The following XKR6 variants were observed in gnomAD, a reference collection of about 807,000 sequenced individuals.
XKR6 encodes XK-related protein 6.
In XKR6, 22 loss-of-function variants were observed where a neutral mutation model predicts 56.7. The observed-to-expected ratio is 0.39, with a 90% CI of 0.28 to 0.55. The LOEUF is 0.55. XKR6 is among the 20% of genes least tolerant of loss of function. The pLI, the probability that XKR6 is intolerant of heterozygous loss-of-function variation, is 0.66. For missense variants in XKR6, 852 were observed against 889.0 expected (o/e 0.96, Z 0.53); for synonymous variants, 524 against 387.8 (o/e 1.35, Z -4.13).
At chr8:11,178,503 T>A (rs1447240835) in intron 1 of XKR6, among the ~76,000 whole-genome samples, 1 of 144,940 alleles carries the variant, frequency 6.9e-6, no homozygotes, top group Non-Finnish European at 1.5e-5. Flanking sequence ...AAATCACTAA[T>A]AAAACCACAC....
At chr8:11,146,493 G>C (rs773286743) in intron 1 of XKR6, among the ~76,000 whole-genome samples, 3 of 152,130 alleles carry the variant, frequency 2.0e-5, no homozygotes, top group African/African-American at 7.2e-5. Context: ...GATGAGCATG[G>C]TGGCATGTGC....
At chr8:11,070,330 G>A (rs1328086176) in intron 1 of XKR6, among the ~76,000 whole-genome samples, 1 of 152,182 alleles carries the variant, frequency 6.6e-6, no homozygotes, top group Non-Finnish European at 1.5e-5. Flanking sequence ...GTTTGTAGCA[G>A]TACACTTCAC....
At chr8:10,949,131 G>A (rs549536945) in intron 1 of XKR6, among the ~76,000 whole-genome samples, 46 of 152,362 alleles carry the variant, frequency 3.0e-4, no homozygotes, top group African/African-American at 1.1e-3. Context: ...GGCTGGAGGA[G>A]CCTGGGCCCC....
chr8:11,138,080 C>T (rs1170271167), intron 1 of XKR6: 3 of 191,160 alleles, frequency 1.6e-5, no homozygotes, highest in African/African-American at 7.2e-5. Flanking sequence ...AGGGAGAATG[C>T]TTGCCTCTAC....
chr8:11,013,321 A>G (rs1020280902), intron 1 of XKR6, among the ~76,000 whole-genome samples: 2 of 152,100 alleles, frequency 1.3e-5, no homozygotes, highest in Non-Finnish European at 2.9e-5. Context: ...CTTTAAGGAG[A>G]GGAGAGGAGA....
At chr8:11,164,925 A>C (rs1189549839) in intron 1 of XKR6, among the ~76,000 whole-genome samples, 1 of 152,068 alleles carries the variant, frequency 6.6e-6, no homozygotes, top group African/African-American at 2.4e-5. Context: ...CCACCTGCCT[A>C]CCTTCCCACT....
intron 1 of XKR6, among the ~76,000 whole-genome samples, chr8:11,073,400 TGGA>T (rs1800184607): frequency 6.6e-6 from 1 of 152,092 alleles, no homozygotes; most frequent in African/African-American, 2.4e-5. Flanking sequence ...TCACAGTCTT[TGGA>T]GGAGAAGAAG....
intron 1 of XKR6, among the ~76,000 whole-genome samples, chr8:11,127,127 A>C (rs1215697583): frequency 1.3e-5 from 2 of 152,186 alleles, no homozygotes; most frequent in African/African-American, 4.8e-5. Context: ...CATCACTTTC[A>C]TGAATAACCA....
chr8:11,136,908 A>T (rs1800429867), intron 1 of XKR6: 1 of 152,200 alleles, frequency 6.6e-6, no homozygotes, highest in Non-Finnish European at 1.5e-5. Flanking sequence ...TTTCTTTTTC[A>T]ATATTTGCAT....
intron 1 of XKR6, among the ~76,000 whole-genome samples, chr8:11,185,635 G>A (rs1030154491): frequency 6.6e-6 from 1 of 152,170 alleles, no homozygotes; most frequent in East Asian, 1.9e-4. Flanking sequence ...CCAATGATGG[G>A]ACATGATTTT....
intron 1 of XKR6, among the ~76,000 whole-genome samples, chr8:10,981,985 G>C (rs1367205997): frequency 6.6e-6 from 1 of 152,212 alleles, no homozygotes; most frequent in Non-Finnish European, 1.5e-5. Flanking sequence ...ATAAAACAAG[G>C]CTCATGCCAT....
At position 10,898,178 on chromosome 8, in the gene XKR6, G is replaced by T; in HGVS notation, c.1700C>A (p.Pro567His). The stretch of plus-strand genomic sequence containing the variant: ...CCCCAACGGGGTAGGGGGCCCCATG[G>T]GTCTCACTTGGAAAACAGGCAAGCA... Reference protein sequence around the residue: ...DTCLPVFQVRPMGPPTPLGRP... With the variant: ...DTCLPVFQVRHMGPPTPLGRP... The change falls in exon 3 of 3, where the codon CCC becomes CAC. Residue 567 changes from proline (P) to histidine (H), a missense_variant. Pro to His is a moderately conservative substitution (Grantham distance 77). Transcript: ENST00000416569. This position sits in a 1 kb window ranked among gnomAD's most constrained non-coding sequence, Gnocchi z 6.6. 3 of 1,614,060 alleles carry T rather than the reference G, an allele frequency of 1.9e-6. No individual in the cohort carries two copies. The highest frequency in any genetic ancestry group is 2.5e-6 in the Non-Finnish European group (3 of 1,179,988).
chr8:11,011,467 T>C (rs968977921), intron 1 of XKR6, among the ~76,000 whole-genome samples: 5 of 152,250 alleles, frequency 3.3e-5, no homozygotes, highest in African/African-American at 1.2e-4. Flanking sequence ...CCTTCATTTT[T>C]TATTTGTTCA....
At chr8:11,174,171 G>A (rs1407261493) in intron 1 of XKR6, among the ~76,000 whole-genome samples, 1 of 152,184 alleles carries the variant, frequency 6.6e-6, no homozygotes, top group Admixed American at 6.5e-5. Flanking sequence ...GACTACAGCT[G>A]CCGATTATCA....
In XKR6 at chr8:10,943,291, T is replaced by G. The variant is rs1396244700; in HGVS notation, c.765-18461A>C. On this transcript the variant is annotated intron_variant, in intron 1 of 2. Transcript: ENST00000416569. ...CCAGGCAAACAGGCAGTTACTATGA[T>G]GAGCAGTCCCATTTGACAGATGAGG... is the stretch of plus-strand genomic sequence containing the variant. Among the ~76,000 whole-genome samples, 5 of 152,220 alleles carry G rather than the reference T, an allele frequency of 3.3e-5. No individual in the cohort carries two copies. In the East Asian group the frequency reaches 9.6e-4, roughly 29 times the overall value.
At chr8:10,976,340 G>A (rs1174902512) in intron 1 of XKR6, among the ~76,000 whole-genome samples, 2 of 152,176 alleles carry the variant, frequency 1.3e-5, no homozygotes, top group Non-Finnish European at 2.9e-5. Flanking sequence ...ATGGGCATCT[G>A]ACCCCATGTC....
intron 1 of XKR6, among the ~76,000 whole-genome samples, chr8:10,993,381 G>C (rs1376570730): frequency 6.6e-6 from 1 of 152,254 alleles, no homozygotes; most frequent in Non-Finnish European, 1.5e-5. Context: ...AGAAAGGAAA[G>C]AAAGCGGGTG....
intron 1 of XKR6, among the ~76,000 whole-genome samples, chr8:11,055,871 C>A (rs746007624): frequency 1.8e-4 from 27 of 152,156 alleles, no homozygotes; most frequent in Non-Finnish European, 3.7e-4. Flanking sequence ...GTTCTGGTCA[C>A]ACAACCTCCT....
intron 1 of XKR6, among the ~76,000 whole-genome samples, chr8:11,063,439 A>G (rs1799896113): frequency 2.0e-5 from 3 of 151,030 alleles, no homozygotes; most frequent in African/African-American, 7.3e-5. Context: ...TGGAGGCTGC[A>G]CTGAGCTACG....
Sources: allele counts gnomAD v4.1 joint callset (sites outside exome capture counted in the v4.1 genomes callset), GRCh38; gene constraint gnomAD v4.1.1; non-coding constraint Gnocchi (gnomAD v3.1); transcripts MANE v1.5; gene names NCBI Gene and HGNC (gene_info 2026-07-23, HGNC 2026-07-21).